The following MATN3 variants were observed in gnomAD, a reference collection of about 807,000 sequenced individuals.
MATN3 encodes the protein matrilin-3.
Under a neutral mutation model 45.3 loss-of-function variants are expected in MATN3, and 48 were observed. The observed-to-expected ratio is 1.06, with a 90% confidence interval of 0.84 to 1.35. The LOEUF (loss-of-function observed/expected upper bound fraction) is 1.35. MATN3 is among the 40% of genes most tolerant of loss of function. MATN3 has a pLI of 0.00. For missense variants in MATN3, 599 were observed against 628.0 expected, an observed-to-expected ratio of 0.95 and a Z score of 0.49; for synonymous variants, 217 against 245.9, an observed-to-expected ratio of 0.88 and a Z score of 1.10.
Position 20,002,191 on chromosome 2 carries a change from C to CACACACAG in MATN3, c.917-112_917-111insCTGTGTGT, listed in dbSNP as rs147407955. On this transcript the variant is annotated intron_variant, in intron 3 of 7. Coordinates refer to ENST00000407540, the MANE Select transcript of MATN3 (RefSeq NM_002381.5). Reference sequence around the variant, plus strand: ...ACACACACACACACACACACACACACAGAGCTAATGAAACAAGGGAGGGGC... The same window carrying CACACACAG: ...ACACACACACACACACACACACACACACACACAGAGAGCTAATGAAACAAGGGAGGGGC... 3.6e-3 allele frequency: 2,717 copies of CACACACAG among 757,260 alleles called. 54 individuals are homozygous for CACACACAG. Among genetic ancestry groups the CACACACAG allele is most frequent in the East Asian group, 0.018 (539 of 29,344 alleles). 46.9% of individuals were successfully genotyped at this position (757,260 alleles called of 1,614,324 possible). A position where few individuals can be genotyped will look rare whatever the true frequency, so the allele number is the denominator to read the frequency against.
At chr2:20,002,243 G>A (rs931654039) in intron 3 of MATN3, among the ~76,000 whole-genome samples, 163 bp from the exon 4 acceptor site, 1 of 151,592 alleles carries the variant, frequency 6.6e-6, no homozygotes, top group Non-Finnish European at 1.5e-5. Flanking sequence ...CCAACCCTCC[G>A]GTCTTGGCTC....
At chr2:20,003,397 ACTTCACT>A (rs1303458559) in intron 2 of MATN3, 111 bp from the exon 3 acceptor site, 1 of 1,013,524 alleles carries the variant, frequency 9.9e-7, no homozygotes, top group Admixed American at 3.0e-5. Flanking sequence ...GTCCATCTTT[ACTTCACT>A]ATAAAAAAAT....
chr2:20,011,329 G>A (rs577427275), intron 1 of MATN3, among the ~76,000 whole-genome samples: 35 of 152,302 alleles, frequency 2.3e-4, no homozygotes, highest in Non-Finnish European at 1.0e-4. Context: ...TCCCGGCCTG[G>A]AGCAACCAGC....
At chr2:20,011,178 A>G (rs1673212828) in intron 1 of MATN3, among the ~76,000 whole-genome samples, 1 of 152,244 alleles carries the variant, frequency 6.6e-6, no homozygotes, top group South Asian at 2.1e-4. Flanking sequence ...TTCGGACTCT[A>G]GGTAATGAAA....
chr2:19,998,017 T>C (rs906428273), intron 5 of MATN3, among the ~76,000 whole-genome samples: 3 of 152,192 alleles, frequency 2.0e-5, no homozygotes, highest in Non-Finnish European at 2.9e-5. Context: ...CTGGAAGACA[T>C]AGGTTCCTCC....
intron 1 of MATN3, among the ~76,000 whole-genome samples, chr2:20,008,485 T>C (rs1238120680): frequency 6.6e-6 from 1 of 152,232 alleles, no homozygotes; most frequent in Non-Finnish European, 1.5e-5. Context: ...AATTAAAGCC[T>C]TACCTGGAAC....
intron 3 of MATN3, 35 bp downstream of exon 3, chr2:20,003,126 T>C: frequency 6.2e-7 from 1 of 1,611,422 alleles, no homozygotes; most frequent in Non-Finnish European, 8.5e-7. Flanking sequence ...TTCCCAAGTA[T>C]TTGATTCAGT....
chr2:20,001,776 C>T (rs368348092), intron 4 of MATN3, among the ~76,000 whole-genome samples, 179 bp downstream of exon 4: 2 of 152,070 alleles, frequency 1.3e-5, no homozygotes, highest in Non-Finnish European at 2.9e-5. Flanking sequence ...TGTATTTGGG[C>T]CGAGATACAT....
intron 2 of MATN3, among the ~76,000 whole-genome samples, chr2:20,004,377 T>C (rs916274357): frequency 1.6e-4 from 25 of 152,168 alleles, no homozygotes; most frequent in Admixed American, 2.0e-4. Context: ...GACCAGCATG[T>C]TGATGGAGAG....
Position 20,005,919 on chromosome 2 carries a change from C to T in MATN3, c.615G>A (p.Glu205=), listed in dbSNP as rs28401180. Residue 205 remains glutamate (E), a synonymous_variant, in exon 2 of 8, where the codon GAG becomes GAA. Transcript: ENST00000407540. ...TDGRPQDQVN[E]VAARAQASGI... ...CAGATGCTTGGGCCCGAGCCGCCAC[C>T]TCATTCACCTGGTCCTGGGGCCTCC... 718,248 of 1,612,252 alleles carry T rather than the reference C, an allele frequency of 0.45. 163,336 individuals are homozygous for T. Among genetic ancestry groups the T allele is most frequent in the East Asian group, 0.69 (30,852 of 44,800 alleles).
At position 19,993,185 on chromosome 2, in the gene MATN3, C is replaced by G; in HGVS notation, c.1406-19G>C. 1.9e-6 allele frequency: 3 copies of G among 1,577,688 alleles called. No individual in the cohort carries two copies. The South Asian group carries it at 3.3e-5, about 18-fold the overall frequency. ...TCATCAAGTGGCAAGTTGTTAAGGC[C>G]AACACCATTTATTTTTACACATTAG... On this transcript the variant is annotated intron_variant, in intron 7 of 7. Coordinates refer to ENST00000407540, the MANE Select transcript of MATN3 (RefSeq NM_002381.5).
intron 1 of MATN3, among the ~76,000 whole-genome samples, chr2:20,010,582 A>T (rs1558376588): frequency 6.6e-6 from 1 of 152,184 alleles, no homozygotes; most frequent in Non-Finnish European, 1.5e-5. Flanking sequence ...ACTCAATGGG[A>T]GAAGGCCTCA....
intron 1 of MATN3, among the ~76,000 whole-genome samples, chr2:20,010,769 C>T (rs1157978825): frequency 6.6e-6 from 1 of 152,178 alleles, no homozygotes; most frequent in East Asian, 1.9e-4. Context: ...GACTTCTGAC[C>T]CACAGAACTC....
At chr2:20,005,671 A>T (rs999084190) in intron 2 of MATN3, 73 bp downstream of exon 2, 2 of 1,147,380 alleles carry the variant, frequency 1.7e-6, no homozygotes, top group African/African-American at 1.6e-5. Context: ...AAAGAATAAT[A>T]CTCTTTTCTC....
chr2:20,007,207 C>CA (rs1372828944), intron 1 of MATN3, among the ~76,000 whole-genome samples: 7 of 146,966 alleles, frequency 4.8e-5, no homozygotes, highest in Admixed American at 4.1e-4. Flanking sequence ...GACTCCGTCT[C>CA]AAAAAACAAA....
rs1434471455 is a variant in MATN3, at chr2:19,992,055, T to G, written c.*1056A>C. ...CAAAATAACTGTTAATTCAGTATAATTTAAAGAAATATCTTTAATAGACAA... is the reference window on the plus strand; with the variant it reads ...CAAAATAACTGTTAATTCAGTATAAGTTAAAGAAATATCTTTAATAGACAA... On this transcript the variant is annotated 3_prime_UTR_variant, in exon 8 of 8. Transcript: ENST00000407540. 6.6e-6 allele frequency: 1 copy of G among 152,136 alleles called. No individual in the cohort carries two copies. The highest frequency in any genetic ancestry group is 2.4e-5 in the African/African-American group (1 of 41,450). 9.4% of individuals were successfully genotyped at this position (152,136 alleles called of 1,614,324 possible).
Position 19,993,037 on chromosome 2 carries a change from C to A in MATN3, c.*74G>T. The A allele has an allele frequency of 8.8e-7, 1 of 1,129,998 alleles. No individual in the cohort carries two copies. The highest frequency in any genetic ancestry group is 1.3e-6 in the Non-Finnish European group (1 of 744,346). 70.0% of individuals were successfully genotyped at this position (1,129,998 alleles called of 1,614,324 possible). ...TTATTAGCAGGAACATTGGCAATAA[C>A]AGGTGTGCAAAAGAATGCATGAGTA... is the stretch of plus-strand genomic sequence containing the variant. On this transcript the variant is annotated 3_prime_UTR_variant, in exon 8 of 8. Coordinates refer to ENST00000407540, the MANE Select transcript of MATN3 (RefSeq NM_002381.5).
At position 20,012,540 on chromosome 2, in the gene MATN3, A is replaced by T. The variant is rs1673239614; in HGVS notation, c.92T>A (p.Val31Glu). Residue 31 changes from valine (V) to glutamate (E), a missense_variant, in exon 1 of 8, where the codon GTG becomes GAG. Physicochemically the swap from Val to Glu is moderately radical, Grantham distance 121 (BLOSUM62 -2). Coordinates refer to ENST00000407540, the MANE Select transcript of MATN3 (RefSeq NM_002381.5). This position sits in a 1 kb window ranked among gnomAD's most constrained non-coding sequence, Gnocchi z 4.3. ...LLLPSAAPDP[V>E]ARPGFRRLET... ...CAGCCTCCGGAAGCCCGGGCGGGCCACGGGGTCGGGGGCGGCGGAGGGCAG... is the reference window on the plus strand; with the variant it reads ...CAGCCTCCGGAAGCCCGGGCGGGCCTCGGGGTCGGGGGCGGCGGAGGGCAG... 8.2e-7 allele frequency: 1 copy of T among 1,226,718 alleles called. No individual in the cohort carries two copies. The highest frequency in any genetic ancestry group is 1.0e-6 in the Non-Finnish European group (1 of 985,114). The allele number at this position is 1,226,718 out of a possible 1,614,324, so 76.0% of individuals were successfully genotyped here. A position where few individuals can be genotyped will look rare whatever the true frequency, so the allele number is the denominator to read the frequency against.
intron 5 of MATN3, 196 bp from the exon 6 acceptor site, chr2:19,997,455 TCA>T: frequency 1.9e-6 from 1 of 518,238 alleles, no homozygotes; most frequent in East Asian, 3.4e-5. Flanking sequence ...TGGCCTCACA[TCA>T]CACACACTCC....
Sources: gnomAD v4.1 joint callset for allele counts (sites outside exome capture counted in the v4.1 genomes callset) on GRCh38, gnomAD v4.1.1 for gene constraint, Gnocchi (gnomAD v3.1) non-coding constraint, MANE v1.5 for transcripts, NCBI Gene and HGNC (gene_info 2026-07-23, HGNC 2026-07-21) for gene names.